PTPRN2: variants seen among roughly 807,000 people sequenced by gnomAD.
The protein encoded by PTPRN2 is protein tyrosine phosphatase receptor type N2, also known as receptor-type tyrosine-protein phosphatase N2.
In PTPRN2, 74 loss-of-function variants were observed where a neutral mutation model predicts 118.8. The observed-to-expected ratio is 0.62, with a 90% CI of 0.52 to 0.76. PTPRN2 has a LOEUF of 0.76. PTPRN2 is among the 30% of genes least tolerant of loss of function. PTPRN2 has a pLI of 0.00. For synonymous variants in PTPRN2, 641 were observed against 608.0 expected (o/e 1.05, Z -0.80); for missense variants, 1,481 against 1,394.4 (o/e 1.06, Z -0.99).
chr7:158,196,885 C>G (rs182069755), intron 4 of PTPRN2, among the ~76,000 whole-genome samples: 4 of 152,182 alleles, frequency 2.6e-5, no homozygotes, highest in South Asian at 2.1e-4. Flanking sequence ...ACTTATGGCT[C>G]TCTTAGAAAT....
intron 12 of PTPRN2, among the ~76,000 whole-genome samples, chr7:157,716,679 G>A (rs777299869): frequency 1.2e-4 from 6 of 49,242 alleles, no homozygotes; most frequent in African/African-American, 2.5e-4. Context: ...TAGACTCTGC[G>A]GGAACACTGC....
At chr7:157,856,623 C>T (rs1809730881) in intron 12 of PTPRN2, among the ~76,000 whole-genome samples, 1 of 152,222 alleles carries the variant, frequency 6.6e-6, no homozygotes, top group South Asian at 2.1e-4. Context: ...GCAAAGGTCT[C>T]ATTTTTATAA....
intron 12 of PTPRN2, among the ~76,000 whole-genome samples, chr7:157,744,736 G>C (rs992676535): frequency 6.6e-6 from 1 of 152,284 alleles, no homozygotes; most frequent in Middle Eastern, 3.4e-3. Context: ...GGACAGGTCT[G>C]TCTGCCTGGT....
chr7:158,344,182 A>G (rs1045921405), intron 2 of PTPRN2, among the ~76,000 whole-genome samples: 2 of 152,164 alleles, frequency 1.3e-5, no homozygotes, highest in South Asian at 2.1e-4. Context: ...GCCTCACCCA[A>G]GAGATACCCA....
At chr7:157,593,887 C>T (rs2150561071) in intron 17 of PTPRN2, among the ~76,000 whole-genome samples, 1 of 152,344 alleles carries the variant, frequency 6.6e-6, no homozygotes, top group East Asian at 1.9e-4. Context: ...CCGTGCCATG[C>T]CGGGATTACA....
intron 3 of PTPRN2, among the ~76,000 whole-genome samples, chr7:158,283,372 G>A (rs533770086): frequency 6.6e-6 from 1 of 152,154 alleles, no homozygotes; most frequent in Non-Finnish European, 1.5e-5. Context: ...TCTGCCATCC[G>A]TCCCAGAGCC....
Position 158,001,572 on chromosome 7 carries a change from G to A in PTPRN2, c.1723+79726C>T, listed in dbSNP as rs73522916. Reference sequence around the variant, plus strand: ...AGGGGGACCTGAGGACCGGGAGGGCGGCACTTCAGCCTCACGGGCGCTCCC... The same window carrying A: ...AGGGGGACCTGAGGACCGGGAGGGCAGCACTTCAGCCTCACGGGCGCTCCC... On this transcript the variant is annotated intron_variant, in intron 11 of 22. Transcript: ENST00000389418. Among the ~76,000 whole-genome samples the A allele has an allele frequency of 5.8e-3, 884 of 152,126 alleles. 7 individuals carry two copies. Among genetic ancestry groups the A allele is most frequent in the African/African-American group, 0.02 (822 of 41,466 alleles).
intron 6 of PTPRN2, among the ~76,000 whole-genome samples, chr7:158,158,418 G>C (rs994121804): frequency 3.9e-5 from 6 of 152,358 alleles, no homozygotes; most frequent in African/African-American, 1.4e-4. Context: ...AGGACCTCAG[G>C]GTCACGGAAG....
intron 11 of PTPRN2, among the ~76,000 whole-genome samples, chr7:158,056,895 C>T (rs1809832747): frequency 1.3e-5 from 2 of 152,218 alleles, no homozygotes; most frequent in Non-Finnish European, 2.9e-5. Context: ...TGCAGCTGTG[C>T]CACCCACATC....
intron 12 of PTPRN2, among the ~76,000 whole-genome samples, chr7:157,834,569 G>A (rs1807806683): frequency 6.6e-6 from 1 of 152,254 alleles, no homozygotes; most frequent in South Asian, 2.1e-4. Context: ...TTGATCAGTC[G>A]ACCCACCCGC....
chr7:158,411,603 C>T (rs1297916247), intron 2 of PTPRN2, among the ~76,000 whole-genome samples: 1 of 152,206 alleles, frequency 6.6e-6, no homozygotes. Flanking sequence ...AGGGCAGCAT[C>T]AGAACTCACT....
chr7:158,167,400 G>C, intron 5 of PTPRN2, 109 bp from the exon 6 acceptor site: 1 of 1,360,860 alleles, frequency 7.3e-7, no homozygotes, highest in Non-Finnish European at 9.8e-7. Context: ...AGCCCTGGGG[G>C]TACAAAGATG....
At chr7:158,394,033 G>C (rs1474892746) in intron 2 of PTPRN2, among the ~76,000 whole-genome samples, 1 of 132,374 alleles carries the variant, frequency 7.6e-6, no homozygotes, top group East Asian at 2.2e-4. Context: ...TGGACACCTC[G>C]CTCCCCCTCT....
intron 2 of PTPRN2, among the ~76,000 whole-genome samples, chr7:158,387,596 C>T (rs572341709): frequency 2.3e-3 from 2 of 880 alleles, no homozygotes; most frequent in Non-Finnish European, 6.9e-3. Flanking sequence ...CGGCCAGGCC[C>T]GGGGATGCAG....
chr7:157,786,048 C>T (rs1804016311), intron 12 of PTPRN2, among the ~76,000 whole-genome samples: 1 of 152,150 alleles, frequency 6.6e-6, no homozygotes, highest in African/African-American at 2.4e-5. Context: ...CTCCTCTGCC[C>T]CCTGTGGGGC....
intron 10 of PTPRN2, among the ~76,000 whole-genome samples, chr7:158,100,243 GGGT>G (rs1176946342): frequency 9.4e-6 from 1 of 106,682 alleles, no homozygotes; most frequent in East Asian, 3.4e-4. Flanking sequence ...GTATTCCATG[GGGT>G]GTGTGTGTGT....
At chr7:157,701,812 T>TA (rs1467244604) in intron 12 of PTPRN2, among the ~76,000 whole-genome samples, 1 of 151,384 alleles carries the variant, frequency 6.6e-6, no homozygotes, top group African/African-American at 2.4e-5. Flanking sequence ...GGTGCTGGTG[T>TA]AACTGACGCG....
At chr7:157,710,210 C>T (rs577737546) in intron 12 of PTPRN2, among the ~76,000 whole-genome samples, 107 of 152,268 alleles carry the variant, frequency 7.0e-4, no homozygotes, top group African/African-American at 2.2e-3. Context: ...TGCGTCCATT[C>T]GATCCCCTTG....
intron 2 of PTPRN2, among the ~76,000 whole-genome samples, chr7:158,450,529 C>A (rs1818027225): frequency 6.6e-6 from 1 of 152,186 alleles, no homozygotes; most frequent in Non-Finnish European, 1.5e-5. Flanking sequence ...AGCTGGAACC[C>A]CCACCCCTGC....
Sources: allele counts gnomAD v4.1 joint callset (sites outside exome capture counted in the v4.1 genomes callset), GRCh38; gene constraint gnomAD v4.1.1; transcripts MANE v1.5; gene names NCBI Gene and HGNC (gene_info 2026-07-23, HGNC 2026-07-21).